Variants in RGL1 observed in about 807,000 individuals in gnomAD.
RGL1 encodes the protein ral guanine nucleotide dissociation stimulator like 1.
In RGL1, 24 loss-of-function variants were observed where a neutral mutation model predicts 95.2. That is an observed-to-expected ratio of 0.25 (90% confidence interval 0.18 to 0.35). The LOEUF is 0.35. Ranked by LOEUF, RGL1 falls within the 10% of genes least tolerant of loss-of-function variation. The pLI, the probability that RGL1 is intolerant of heterozygous loss-of-function variation, is 1.00. For synonymous variants in RGL1, 329 were observed against 344.9 expected (o/e 0.95, Z 0.51); for missense variants, 715 against 936.3 (o/e 0.76, Z 3.08).
intron 1 of RGL1, among the ~76,000 whole-genome samples, chr1:183,645,514 A>G (rs1419716973): frequency 2.6e-5 from 4 of 152,092 alleles, no homozygotes; most frequent in African/African-American, 9.7e-5. Flanking sequence ...CATTAGTTCT[A>G]TATGTGTGGT....
At chr1:183,891,744 T>G (rs1014886172) in intron 8 of RGL1, among the ~76,000 whole-genome samples, 5 of 46,076 alleles carry the variant, frequency 1.1e-4, no homozygotes, top group African/African-American at 3.5e-4. Flanking sequence ...TTTTTTTTTT[T>G]TTTTTTTTTT....
chr1:183,872,038 A>G (rs543392625), intron 4 of RGL1, among the ~76,000 whole-genome samples: 3 of 152,372 alleles, frequency 2.0e-5, no homozygotes, highest in South Asian at 2.1e-4. Context: ...CTATTTATCA[A>G]TTAGGAAACT....
intron 2 of RGL1, among the ~76,000 whole-genome samples, chr1:183,811,578 C>T (rs928718240): frequency 5.3e-5 from 8 of 152,120 alleles, no homozygotes; most frequent in Admixed American, 1.3e-4. Context: ...CTTAGAAACA[C>T]GTTTTTAAAA....
chr1:183,761,751 C>G (rs1658675987), intron 2 of RGL1, among the ~76,000 whole-genome samples: 1 of 152,212 alleles, frequency 6.6e-6, no homozygotes, highest in Admixed American at 6.5e-5. Context: ...CAATATAAGA[C>G]TATTTTGTCT....
chr1:183,781,735 A>G (rs1228309951), intron 2 of RGL1, among the ~76,000 whole-genome samples: 1 of 152,194 alleles, frequency 6.6e-6, no homozygotes, highest in African/African-American at 2.4e-5. Flanking sequence ...TGTGTCTTAG[A>G]AATCTTTTCA....
intron 2 of RGL1, among the ~76,000 whole-genome samples, chr1:183,814,840 A>C (rs980813132): frequency 6.6e-6 from 1 of 152,214 alleles, no homozygotes; most frequent in African/African-American, 2.4e-5. Flanking sequence ...TTCTGTCACT[A>C]ATGGTGATGG....
At chr1:183,663,980 G>A (rs953375641) in intron 1 of RGL1, among the ~76,000 whole-genome samples, 24 of 147,126 alleles carry the variant, frequency 1.6e-4, no homozygotes, top group South Asian at 1.1e-3. Context: ...ACCAAGCACC[G>A]CATGTTCTCA....
intron 2 of RGL1, among the ~76,000 whole-genome samples, chr1:183,817,829 G>T (rs1049630286): frequency 6.6e-6 from 1 of 152,178 alleles, no homozygotes; most frequent in African/African-American, 2.4e-5. Flanking sequence ...TCGTTTTTGT[G>T]CAAAGCAATG....
chr1:183,824,965 C>T (rs936964076), intron 2 of RGL1, among the ~76,000 whole-genome samples: 1 of 152,156 alleles, frequency 6.6e-6, no homozygotes, highest in Non-Finnish European at 1.5e-5. Context: ...ATAATTATGT[C>T]TGGACTAATA....
intron 1 of RGL1, among the ~76,000 whole-genome samples, chr1:183,670,464 A>G (rs1652365512): frequency 6.6e-6 from 1 of 152,222 alleles, no homozygotes; most frequent in Admixed American, 6.5e-5. Context: ...TAAAACGCAT[A>G]AAAGTGTGGA....
chr1:183,816,695 T>TC (rs1662113980), intron 2 of RGL1, among the ~76,000 whole-genome samples: 1 of 152,240 alleles, frequency 6.6e-6, no homozygotes, highest in Admixed American at 6.5e-5. Context: ...GGCCTTTTTT[T>TC]CTCTCTGCTC....
intron 2 of RGL1, among the ~76,000 whole-genome samples, chr1:183,752,293 T>C (rs1385909036): frequency 1.3e-5 from 2 of 151,926 alleles, no homozygotes; most frequent in African/African-American, 4.8e-5. Context: ...GTGGCACAAT[T>C]TGGGCTCACT....
chr1:183,721,862 A>G (rs141427566), intron 1 of RGL1, among the ~76,000 whole-genome samples: 1 of 152,358 alleles, frequency 6.6e-6, no homozygotes, highest in Non-Finnish European at 1.5e-5. Context: ...ACTTATCACA[A>G]TGATGATGGT....
At chr1:183,805,049 G>A (rs1453641488), upstream of RGL1, 9 of 378,718 alleles carry the variant, frequency 2.4e-5, no homozygotes, top group Non-Finnish European at 4.2e-5. Context: ...AAACAGGAAA[G>A]CCTTACATCA....
chr1:183,815,559 A>G (rs1662029264), intron 2 of RGL1, among the ~76,000 whole-genome samples: 1 of 152,196 alleles, frequency 6.6e-6, no homozygotes, highest in Non-Finnish European at 1.5e-5. Flanking sequence ...TTTCATTTTC[A>G]GGGGTATGTT....
intron 1 of RGL1, among the ~76,000 whole-genome samples, chr1:183,718,062 C>T (rs1454090019): frequency 8.6e-5 from 13 of 151,852 alleles, no homozygotes; most frequent in African/African-American, 2.9e-4. Flanking sequence ...CTGGCTAACA[C>T]GGTGAAACCC....
At chr1:183,704,180 A>G (rs1204234497) in intron 1 of RGL1, among the ~76,000 whole-genome samples, 1 of 152,090 alleles carries the variant, frequency 6.6e-6, no homozygotes, top group African/African-American at 2.4e-5. Flanking sequence ...GATCGTATGG[A>G]GTTTGGTGGC....
intron 1 of RGL1, among the ~76,000 whole-genome samples, chr1:183,637,737 A>C (rs1475166951): frequency 6.6e-6 from 1 of 152,334 alleles, no homozygotes; most frequent in Admixed American, 6.5e-5. Flanking sequence ...TTAAATTAAC[A>C]TTCAAGTTAT....
At chr1:183,779,211 C>A (rs969090249) in intron 2 of RGL1, among the ~76,000 whole-genome samples, 2 of 148,494 alleles carry the variant, frequency 1.3e-5, no homozygotes, top group African/African-American at 5.0e-5. Context: ...TTCCTTCCTT[C>A]CTTCCTTCCT....
Sources: allele counts gnomAD v4.1 joint callset (sites outside exome capture counted in the v4.1 genomes callset), GRCh38; gene constraint gnomAD v4.1.1; transcripts MANE v1.5; gene names NCBI Gene and HGNC (gene_info 2026-07-23, HGNC 2026-07-21).